FAT3: variants seen among roughly 807,000 people sequenced by gnomAD.
FAT3 encodes the protein protocadherin Fat 3.
FAT3 carries 95 observed loss-of-function variants against 310.2 expected under a neutral mutation model. The ratio of observed to expected loss-of-function variants is 0.31; its 90% confidence interval spans 0.26 to 0.36. FAT3 has a LOEUF of 0.36. FAT3 is among the 10% of genes least tolerant of loss of function. The pLI is 1.00. For synonymous variants in FAT3, 2,314 were observed against 2,192.9 expected, an observed-to-expected ratio of 1.06 and a Z score of -1.54; for missense variants, 5,408 against 5,715.6, an observed-to-expected ratio of 0.95 and a Z score of 1.74.
intron 10 of FAT3, among the ~76,000 whole-genome samples, chr11:92,802,632 G>A (rs894179785): frequency 7.2e-5 from 11 of 152,214 alleles, no homozygotes; most frequent in African/African-American, 2.4e-4. Context: ...AAGAGGAGAG[G>A]GTTGACAGTG....
intron 13 of FAT3, among the ~76,000 whole-genome samples, chr11:92,817,831 G>C (rs77858431): frequency 0.014 from 2,057 of 152,328 alleles, 25 homozygotes; most frequent in Non-Finnish European, 0.019. Context: ...TCTCTCCAGT[G>C]GTTTTCCTGC....
chr11:92,791,895 G>A (rs1591737746), intron 8 of FAT3, among the ~76,000 whole-genome samples: 1 of 152,312 alleles, frequency 6.6e-6, no homozygotes, highest in South Asian at 2.1e-4. Context: ...AATCAGAAAG[G>A]AGGTGCTTCA....
intron 4 of FAT3, among the ~76,000 whole-genome samples, chr11:92,757,647 C>G (rs1285729177): frequency 6.6e-6 from 1 of 152,068 alleles, no homozygotes; most frequent in East Asian, 1.9e-4. Context: ...ATTCCAGGCA[C>G]AAATGTGGCA....
At chr11:92,705,575 G>A (rs547675473) in intron 4 of FAT3, among the ~76,000 whole-genome samples, 18 of 5,200 alleles carry the variant, frequency 3.5e-3, no homozygotes, top group African/African-American at 0.01. Flanking sequence ...GGTGGTGGTG[G>A]TGATGGTGGT....
intron 2 of FAT3, among the ~76,000 whole-genome samples, chr11:92,453,786 C>G (rs1951425439): frequency 6.6e-6 from 1 of 152,132 alleles, no homozygotes; most frequent in Non-Finnish European, 1.5e-5. Flanking sequence ...GCAAAACTAT[C>G]AAATAAATGT....
intron 4 of FAT3, among the ~76,000 whole-genome samples, chr11:92,735,088 A>T (rs1025998925): frequency 5.9e-5 from 9 of 152,030 alleles, no homozygotes; most frequent in Admixed American, 5.2e-4. Flanking sequence ...CCCTGCAGGA[A>T]CTCCCGGTAA....
intron 2 of FAT3, among the ~76,000 whole-genome samples, chr11:92,523,735 C>T (rs7951469): frequency 0.038 from 5,850 of 152,176 alleles, 366 homozygotes; most frequent in African/African-American, 0.13. Context: ...CAGAGTTTTC[C>T]CATCACGATG....
intron 2 of FAT3, 119 bp downstream of exon 2, chr11:92,355,523 C>T (rs1233819740): frequency 1.0e-6 from 1 of 966,094 alleles, no homozygotes; most frequent in Admixed American, 2.7e-5. Context: ...GCATTTGGTG[C>T]AGAGACGACG....
chr11:92,533,227 T>C (rs1384763304), intron 3 of FAT3, among the ~76,000 whole-genome samples: 2 of 152,024 alleles, frequency 1.3e-5, no homozygotes, highest in Non-Finnish European at 2.9e-5. Context: ...GGGGTCTCAC[T>C]CTGTTGCCCA....
intron 3 of FAT3, among the ~76,000 whole-genome samples, chr11:92,591,791 C>T (rs1027561890): frequency 1.3e-5 from 2 of 152,056 alleles, no homozygotes; most frequent in African/African-American, 2.4e-5. Flanking sequence ...TTTTGACATA[C>T]GAATTGTTGC....
chr11:92,854,138 C>G (rs997264542), intron 19 of FAT3, among the ~76,000 whole-genome samples: 2 of 152,186 alleles, frequency 1.3e-5, no homozygotes, highest in Non-Finnish European at 2.9e-5. Context: ...AAGGTGGCAG[C>G]GGGACTGATG....
intron 19 of FAT3, among the ~76,000 whole-genome samples, chr11:92,849,804 C>G (rs1024372447): frequency 2.0e-5 from 3 of 152,058 alleles, no homozygotes; most frequent in Non-Finnish European, 4.4e-5. Flanking sequence ...TGCACCAGGC[C>G]CTGGGTGGGG....
chr11:92,522,366 C>T (rs1355287633), intron 2 of FAT3, among the ~76,000 whole-genome samples: 2 of 152,122 alleles, frequency 1.3e-5, no homozygotes, highest in African/African-American at 4.8e-5. Context: ...GGTATCCAAC[C>T]CTCAGAGCCC....
intron 2 of FAT3, among the ~76,000 whole-genome samples, chr11:92,440,374 C>A (rs1007294334): frequency 6.6e-6 from 1 of 152,190 alleles, no homozygotes; most frequent in Non-Finnish European, 1.5e-5. Flanking sequence ...TTGTAACATC[C>A]TGCAGATTTA....
chr11:92,237,769 T>C (rs1049354776), intron 1 of FAT3, among the ~76,000 whole-genome samples: 9 of 152,004 alleles, frequency 5.9e-5, no homozygotes, highest in African/African-American at 1.9e-4. Flanking sequence ...AATGAATGAA[T>C]GAGATATTGT....
At chr11:92,565,229 C>G (rs914145320) in intron 3 of FAT3, among the ~76,000 whole-genome samples, 2 of 151,502 alleles carry the variant, frequency 1.3e-5, no homozygotes, top group African/African-American at 2.4e-5. Context: ...CACGGAAATA[C>G]AAACTACCAT....
chr11:92,394,139 A>T (rs1467845729), intron 2 of FAT3, among the ~76,000 whole-genome samples: 1 of 152,166 alleles, frequency 6.6e-6, no homozygotes, highest in Non-Finnish European at 1.5e-5. Context: ...TTTAGGAGGC[A>T]CTATAGTGTG....
At chr11:92,573,051 A>G (rs950225187) in intron 3 of FAT3, among the ~76,000 whole-genome samples, 11 of 152,068 alleles carry the variant, frequency 7.2e-5, no homozygotes, top group Admixed American at 2.6e-4. Context: ...ATTTTCTTTA[A>G]TTTTTCTCCA....
intron 1 of FAT3, among the ~76,000 whole-genome samples, chr11:92,299,252 T>TA (rs1489042682): frequency 6.6e-6 from 1 of 152,100 alleles, no homozygotes; most frequent in Admixed American, 6.6e-5. Context: ...GCACTTGTAT[T>TA]AGGCATCCTG....
Sources: allele counts gnomAD v4.1 joint callset (sites outside exome capture counted in the v4.1 genomes callset), GRCh38; gene constraint gnomAD v4.1.1; transcripts MANE v1.5; gene names NCBI Gene and HGNC (gene_info 2026-07-23, HGNC 2026-07-21).